Variants in COBL observed in about 807,000 individuals in gnomAD.
The protein encoded by COBL is protein cordon-bleu.
COBL carries 51 observed loss-of-function variants against 98.8 expected under a neutral mutation model. The observed-to-expected ratio is 0.52, with a 90% CI of 0.41 to 0.65. The LOEUF (loss-of-function observed/expected upper bound fraction) is 0.65. Among genes scored for constraint, COBL ranks in the 30% least tolerant of loss-of-function variants. COBL has a pLI of 0.00. For synonymous variants in COBL, 634 were observed against 651.7 expected, an observed-to-expected ratio of 0.97 and a Z score of 0.41; for missense variants, 1,617 against 1,617.5, an observed-to-expected ratio of 1.00 and a Z score of 0.01.
At chr7:51,202,169 G>T (rs958677052) in intron 2 of COBL, among the ~76,000 whole-genome samples, 2 of 152,018 alleles carry the variant, frequency 1.3e-5, no homozygotes, top group African/African-American at 4.8e-5. Flanking sequence ...GCCATAAAGT[G>T]CATCCATTAA....
chr7:51,209,060 A>C (rs77958991), intron 2 of COBL, among the ~76,000 whole-genome samples: 21 of 132,386 alleles, frequency 1.6e-4, no homozygotes, highest in East Asian at 6.6e-4. Flanking sequence ...AAAAAAAAAA[A>C]AAAAAAAAAA....
At chr7:51,221,876 CACATTCACGTCATTAAAATA>C (rs1181285355) in intron 1 of COBL, among the ~76,000 whole-genome samples, 1 of 152,164 alleles carries the variant, frequency 6.6e-6, no homozygotes, top group African/African-American at 2.4e-5. Context: ...TAAAGTTACG[CACATTCACGTCATTAAAATA>C]ACATTCAGGG....
intron 7 of COBL, among the ~76,000 whole-genome samples, chr7:51,059,696 C>G (rs1431925498): frequency 1.3e-5 from 2 of 152,052 alleles, no homozygotes; most frequent in Non-Finnish European, 2.9e-5. Context: ...TGAGTCCGAG[C>G]CAGGCAGGGA....
At chr7:51,198,816 G>T (rs915030803) in intron 2 of COBL, among the ~76,000 whole-genome samples, 11 of 152,206 alleles carry the variant, frequency 7.2e-5, no homozygotes, top group Non-Finnish European at 2.9e-5. Flanking sequence ...AGAAAAAAAT[G>T]ATTTGGCAGC....
Position 51,029,105 on chromosome 7 carries a change from T to G in COBL, c.1991A>C (p.Glu664Ala), listed in dbSNP as rs753694570. Residue 664 changes from glutamate to alanine, a missense_variant, in exon 10 of 13, where the codon GAG (glutamate) becomes GCG (alanine). This residue lies in a region of COBL where 1,304 missense variants were observed against 1,282.0 expected (regional missense o/e 1.02). Transcript: ENST00000265136. ...ATTCACCGGTTGGGAATTCACTCTC[T>G]CTGTGGCTTGAGTCCTCTCCCCGTC... is the stretch of plus-strand genomic sequence containing the variant. ...CADGERTQAT[E>A]RVNSQPVNEK... 17 of 1,614,214 alleles carry G rather than the reference T, an allele frequency of 1.1e-5. 1 individual carries two copies. The South Asian group carries it at 1.9e-4, about 18-fold the overall frequency.
intron 6 of COBL, among the ~76,000 whole-genome samples, chr7:51,093,927 T>C (rs1402967344): frequency 6.6e-6 from 1 of 151,144 alleles, no homozygotes; most frequent in Non-Finnish European, 1.5e-5. Context: ...AGTCAAGATA[T>C]AGAATTACCC....
intron 5 of COBL, among the ~76,000 whole-genome samples, chr7:51,139,573 C>G (rs1583927700): frequency 6.6e-6 from 1 of 152,200 alleles, no homozygotes; most frequent in South Asian, 2.1e-4. Context: ...ATTGCAGGGT[C>G]CAGTGGTCCT....
intron 6 of COBL, among the ~76,000 whole-genome samples, chr7:51,124,458 G>T (rs1278474828): frequency 6.6e-6 from 1 of 152,140 alleles, no homozygotes; most frequent in Non-Finnish European, 1.5e-5. Context: ...ATTTGGAAGT[G>T]ACACCCTCAC....
rs1243870036 is a variant in COBL, at chr7:51,085,241, G to A, written c.1021C>T (p.Pro341Ser). The A allele has an allele frequency of 6.2e-7, 1 of 1,613,586 alleles. No individual in the cohort carries two copies. Among genetic ancestry groups the A allele is most frequent in the Admixed American group, 1.7e-5 (1 of 59,862 alleles). Reference sequence around the variant, plus strand: ...AGGGGACTCGGTGGTGGTGGCTGTGGTGGAGGGGGAGCTGGCGCTCGCCGC... The same window carrying A: ...AGGGGACTCGGTGGTGGTGGCTGTGATGGAGGGGGAGCTGGCGCTCGCCGC... ...KKRRAPAPPP[P>S]QPPPPSPLIP... Residue 341 changes from proline to serine, a missense_variant, in exon 7 of 13, where the codon CCA becomes TCA. Transcript: ENST00000265136.
intron 1 of COBL, among the ~76,000 whole-genome samples, chr7:51,227,298 G>C (rs772862054): frequency 6.6e-6 from 1 of 152,140 alleles, no homozygotes; most frequent in Non-Finnish European, 1.5e-5. Flanking sequence ...TCAGATGGAC[G>C]CATGGGGACT....
intron 7 of COBL, among the ~76,000 whole-genome samples, chr7:51,074,815 T>C (rs1028861962): frequency 6.6e-6 from 1 of 152,216 alleles, no homozygotes; most frequent in African/African-American, 2.4e-5. Context: ...ACCAGCTCTT[T>C]GGAGGAAAAA....
chr7:51,222,035 A>G (rs913017681), intron 1 of COBL, among the ~76,000 whole-genome samples: 1 of 152,148 alleles, frequency 6.6e-6, no homozygotes, highest in African/African-American at 2.4e-5. Context: ...TAAAAATACA[A>G]AAAATTAGCC....
At chr7:51,065,346 GCGGCCCT>G (rs1791808953) in intron 7 of COBL, 1 of 703,524 alleles carries the variant, frequency 1.4e-6, no homozygotes, top group African/African-American at 1.7e-5. Context: ...GTAGAGAACT[GCGGCCCT>G]CACTCATCCA....
At chr7:51,182,154 T>C (rs907023160) in intron 5 of COBL, among the ~76,000 whole-genome samples, 1 of 152,132 alleles carries the variant, frequency 6.6e-6, no homozygotes, top group Non-Finnish European at 1.5e-5. Context: ...TGTGAACTGG[T>C]GTCCTCAGGA....
At chr7:51,121,328 A>T (rs1797718306) in intron 6 of COBL, among the ~76,000 whole-genome samples, 1 of 152,188 alleles carries the variant, frequency 6.6e-6, no homozygotes. Flanking sequence ...CTTTGGAGAA[A>T]TGTCTATTTA....
intron 1 of COBL, among the ~76,000 whole-genome samples, chr7:51,296,116 TATG>T (rs1302673818): frequency 3.9e-5 from 6 of 152,228 alleles, no homozygotes; most frequent in Non-Finnish European, 7.3e-5. Context: ...CACATATCTC[TATG>T]ATAACACTTG....
At chr7:51,240,038 T>G (rs1389421588) in intron 1 of COBL, among the ~76,000 whole-genome samples, 2 of 151,748 alleles carry the variant, frequency 1.3e-5, no homozygotes, top group Non-Finnish European at 2.9e-5. Context: ...CTCATATAAT[T>G]TTTTTATATA....
rs147581174 is a variant in COBL at position 51,026,983 on chromosome 7, A to C, written c.3385-318T>G. Among the ~76,000 whole-genome samples the C allele has an allele frequency of 1.9e-3, 291 of 152,322 alleles. 1 individual carries two copies. The highest frequency in any genetic ancestry group is 3.1e-3 in the Non-Finnish European group (212 of 68,036). ...ACCCTGTCTATGAGAAGGCACACAT[A>C]AGAATCAAAGGCTACGTAGTTTCAA... On this transcript the variant is annotated intron_variant, in intron 10 of 12. Coordinates refer to ENST00000265136, the MANE Select transcript of COBL (RefSeq NM_015198.5).
intron 1 of COBL, among the ~76,000 whole-genome samples, chr7:51,236,168 A>T (rs887962099): frequency 6.6e-5 from 10 of 152,148 alleles, no homozygotes; most frequent in African/African-American, 2.4e-4. Context: ...CATCCCACTT[A>T]ACAGACAGAA....
Sources: allele counts gnomAD v4.1 joint callset (sites outside exome capture counted in the v4.1 genomes callset), GRCh38; gene constraint gnomAD v4.1.1; regional missense constraint gnomAD v4.1.1; transcripts MANE v1.5; gene names NCBI Gene and HGNC (gene_info 2026-07-23, HGNC 2026-07-21).